The following TMCC3 variants were observed in gnomAD, a reference collection of about 807,000 sequenced individuals.
TMCC3 encodes the protein transmembrane and coiled-coil domain protein 3.
Under a neutral mutation model 40.2 loss-of-function variants are expected in TMCC3, and 28 were observed. The ratio of observed to expected loss-of-function variants is 0.70; its 90% CI spans 0.52 to 0.95. The LOEUF is 0.95. Ranked by LOEUF, TMCC3 falls within the 40% of genes least tolerant of loss-of-function variation. The pLI is 0.00. For synonymous variants in TMCC3, 255 were observed against 248.5 expected (o/e 1.03, Z -0.25); for missense variants, 554 against 615.2 (o/e 0.90, Z 1.05).
chr12:94,606,209 G>C (rs1415249420), intron 1 of TMCC3, among the ~76,000 whole-genome samples: 1 of 152,120 alleles, frequency 6.6e-6, no homozygotes, highest in East Asian at 1.9e-4. Context: ...CCTGCTCTTA[G>C]CCTATTATGG....
intron 1 of TMCC3, among the ~76,000 whole-genome samples, chr12:94,630,875 C>T (rs2068929750): frequency 6.6e-6 from 1 of 152,034 alleles, no homozygotes; most frequent in African/African-American, 2.4e-5. Flanking sequence ...ATTACAGGCA[C>T]CCGCCATCAC....
At chr12:94,578,356 G>T (rs1033617299) in intron 3 of TMCC3, 38 bp downstream of exon 3, 4 of 1,589,466 alleles carry the variant, frequency 2.5e-6, no homozygotes, top group Non-Finnish European at 3.4e-6. Context: ...GGCTCGGGAA[G>T]AGCCCAGGCC....
intron 1 of TMCC3, among the ~76,000 whole-genome samples, chr12:94,588,585 T>C (rs560793556): frequency 4.5e-4 from 69 of 152,322 alleles, no homozygotes; most frequent in Non-Finnish European, 8.2e-4. Context: ...TCCAAGTACA[T>C]GTGAGTGAAG....
At chr12:94,592,709 T>C (rs1170136832) in intron 1 of TMCC3, among the ~76,000 whole-genome samples, 2 of 117,582 alleles carry the variant, frequency 1.7e-5, no homozygotes, top group East Asian at 4.6e-4. Context: ...GCAGGTAAAG[T>C]AAAATCTCAT....
At chr12:94,610,263 C>T (rs1025692626) in intron 1 of TMCC3, among the ~76,000 whole-genome samples, 2 of 152,168 alleles carry the variant, frequency 1.3e-5, no homozygotes, top group South Asian at 2.1e-4. Flanking sequence ...GAATCGGAAC[C>T]TTCTTTAGCC....
chr12:94,586,239 A>G (rs1293577274), intron 1 of TMCC3, among the ~76,000 whole-genome samples: 1 of 152,270 alleles, frequency 6.6e-6, no homozygotes, highest in African/African-American at 2.4e-5. Flanking sequence ...TACTCAGAAA[A>G]GAGCACATGT....
At chr12:94,631,478 T>A (rs1041815670) in intron 1 of TMCC3, among the ~76,000 whole-genome samples, 4 of 152,154 alleles carry the variant, frequency 2.6e-5, no homozygotes, top group Non-Finnish European at 5.9e-5. Flanking sequence ...GGGAAAATGA[T>A]GTGAAGACAG....
At position 94,576,045 on chromosome 12, in the gene TMCC3, T is replaced by C. The variant is rs576401192; in HGVS notation, c.1131+2349A>G. Among the ~76,000 whole-genome samples the C allele has an allele frequency of 1.2e-3, 178 of 152,320 alleles. 1 individual carries two copies. Among genetic ancestry groups the C allele is most frequent in the African/African-American group, 4.1e-3 (171 of 41,568 alleles). ...CTTCTACCTCAGCCTCCCAAAGTGC[T>C]GCGATTATAGGCATGAGCCACTGCA... On this transcript the variant is annotated intron_variant, in intron 3 of 3. Transcript: ENST00000261226.
At chr12:94,601,582 T>TG (rs1304626829) in intron 1 of TMCC3, among the ~76,000 whole-genome samples, 5 of 150,546 alleles carry the variant, frequency 3.3e-5, no homozygotes, top group Non-Finnish European at 4.4e-5. Context: ...CCCAACATTG[T>TG]GGGGGGGCGA....
Position 94,581,837 on chromosome 12 carries a change from G to A in TMCC3, c.780C>T (p.Gly260=). Residue 260 remains glycine, a synonymous_variant, in exon 2 of 4, where the codon GGC becomes GGT. Coordinates refer to ENST00000261226, the MANE Select transcript of TMCC3 (RefSeq NM_020698.4). ...KYGSDDECSS[G]TSGSADSNGN... ...CGTTACTGTCGGCCGAGCCTGACGTGCCACTCGAACATTCATCATCACTGC... is the reference window on the plus strand; with the variant it reads ...CGTTACTGTCGGCCGAGCCTGACGTACCACTCGAACATTCATCATCACTGC... The A allele has an allele frequency of 6.2e-7, 1 of 1,614,026 alleles. No individual in the cohort carries two copies. The highest frequency in any genetic ancestry group is 8.5e-7 in the Non-Finnish European group (1 of 1,179,884).
At chr12:94,599,391 C>T (rs1277243125) in intron 1 of TMCC3, among the ~76,000 whole-genome samples, 2 of 152,156 alleles carry the variant, frequency 1.3e-5, no homozygotes, top group South Asian at 2.1e-4. Flanking sequence ...CCGCCGCCCC[C>T]ACATGCACGG....
intron 1 of TMCC3, among the ~76,000 whole-genome samples, chr12:94,623,686 C>T (rs951584285): frequency 6.6e-6 from 1 of 152,250 alleles, no homozygotes; most frequent in South Asian, 2.1e-4. Flanking sequence ...GGGGGAATCC[C>T]GAATAAATGC....
chr12:94,574,400 A>AAC lies in TMCC3; in HGVS notation c.1132-2664_1132-2663insGT, dbSNP rs1018568306. Among the ~76,000 whole-genome samples, 27 of 152,008 alleles carry AAC rather than the reference A, an allele frequency of 1.8e-4. No homozygotes were observed. In the South Asian group the frequency reaches 2.3e-3, roughly 13 times the overall value. Reference sequence around the variant, plus strand: ...AAGACGGTCTCAAAAAACAAAAAAAAAAAACAGAATGTGAGGCTTGAGAGA... The same window carrying AAC: ...AAGACGGTCTCAAAAAACAAAAAAAAACAAAACAGAATGTGAGGCTTGAGAGA... On this transcript the variant is annotated intron_variant, in intron 3 of 3. Transcript: ENST00000261226.
intron 1 of TMCC3, among the ~76,000 whole-genome samples, chr12:94,649,895 G>A (rs1391098392): frequency 1.3e-5 from 2 of 151,792 alleles, no homozygotes; most frequent in African/African-American, 2.4e-5. Flanking sequence ...CCGCGCTCGG[G>A]TTCCGGCCAC....
rs563689540 is a variant in TMCC3, at chr12:94,619,134, C to T, written c.78+31219G>A. On this transcript the variant is annotated intron_variant, in intron 1 of 3. Coordinates refer to ENST00000261226, the MANE Select transcript of TMCC3 (RefSeq NM_020698.4). ...CATATGCATTACACACACTTACACA[C>T]GTCTGACTCCACCATGACTCACACT... is the stretch of plus-strand genomic sequence containing the variant. Among the ~76,000 whole-genome samples the T allele has an allele frequency of 5.3e-5, 8 of 152,304 alleles. 1 individual carries two copies. The highest frequency in any genetic ancestry group is 3.4e-3 in the Middle Eastern group (1 of 294).
At chr12:94,579,349 A>G (rs2068586614) in intron 2 of TMCC3, among the ~76,000 whole-genome samples, 1 of 152,148 alleles carries the variant, frequency 6.6e-6, no homozygotes, top group Non-Finnish European at 1.5e-5. Context: ...TCTACTAAAA[A>G]TACAAAAATT....
chr12:94,574,889 G>A (rs1383446016), intron 3 of TMCC3, among the ~76,000 whole-genome samples: 4 of 152,146 alleles, frequency 2.6e-5, no homozygotes, highest in East Asian at 3.8e-4. Flanking sequence ...CAAATAGACC[G>A]ATCTTAGAAT....
chr12:94,624,622 G>A (rs549713528), intron 1 of TMCC3, among the ~76,000 whole-genome samples: 16 of 152,230 alleles, frequency 1.1e-4, no homozygotes, highest in African/African-American at 2.9e-4. Context: ...GCTGAGGCAC[G>A]AGAATCACTT....
intron 1 of TMCC3, among the ~76,000 whole-genome samples, chr12:94,646,577 T>G (rs1247979921): frequency 1.3e-5 from 2 of 151,686 alleles, no homozygotes; most frequent in Admixed American, 6.6e-5. Context: ...TAGCTGGGAT[T>G]ACAGGCACCT....
Sources: gnomAD v4.1 joint callset for allele counts (sites outside exome capture counted in the v4.1 genomes callset) on GRCh38, gnomAD v4.1.1 for gene constraint, MANE v1.5 for transcripts, NCBI Gene and HGNC (gene_info 2026-07-23, HGNC 2026-07-21) for gene names.